CNTN4: variants seen among roughly 807,000 people sequenced by gnomAD.
CNTN4 encodes the protein contactin-4.
A neutral mutation model predicts 122.5 loss-of-function variants in CNTN4; 77 were observed. That is an observed-to-expected ratio of 0.63 (90% CI 0.52 to 0.76). The LOEUF (loss-of-function observed/expected upper bound fraction) is 0.76. CNTN4 is among the 30% of genes least tolerant of loss of function. The pLI, the probability that CNTN4 is intolerant of heterozygous loss-of-function variation, is 0.00. For missense variants in CNTN4, 1,256 were observed against 1,259.1 expected, an observed-to-expected ratio of 1.00 and a Z score of 0.04; for synonymous variants, 512 against 447.0, an observed-to-expected ratio of 1.15 and a Z score of -1.83.
At chr3:2,186,038 G>A (rs948758128) in intron 2 of CNTN4, among the ~76,000 whole-genome samples, 23 of 151,762 alleles carry the variant, frequency 1.5e-4, no homozygotes, top group Admixed American at 3.3e-4. Flanking sequence ...CCATTAACTC[G>A]TCATTTACGT....
chr3:2,347,366 A>G (rs1205596652), intron 3 of CNTN4, among the ~76,000 whole-genome samples: 1 of 148,294 alleles, frequency 6.7e-6, no homozygotes, highest in East Asian at 1.9e-4. Context: ...TCCACTAGCA[A>G]AAGAAGCCAA....
chr3:2,610,359 T>C (rs1407417107), intron 4 of CNTN4, among the ~76,000 whole-genome samples: 1 of 152,214 alleles, frequency 6.6e-6, no homozygotes, highest in Non-Finnish European at 1.5e-5. Flanking sequence ...GCAAACACTT[T>C]TTCTAAGTCT....
intron 4 of CNTN4, among the ~76,000 whole-genome samples, chr3:2,658,923 T>C (rs7629925): frequency 0.011 from 1,673 of 151,318 alleles, 33 homozygotes; most frequent in African/African-American, 0.039. Flanking sequence ...ACTTGCATTT[T>C]TTTATGTGGA....
intron 4 of CNTN4, among the ~76,000 whole-genome samples, chr3:2,596,523 C>G (rs1179791217): frequency 6.6e-6 from 1 of 152,062 alleles, no homozygotes; most frequent in East Asian, 1.9e-4. Flanking sequence ...TATATTTACA[C>G]ATCTATAACC....
chr3:2,798,621 C>T (rs2092269279), intron 6 of CNTN4, among the ~76,000 whole-genome samples: 1 of 152,056 alleles, frequency 6.6e-6, no homozygotes, highest in Non-Finnish European at 1.5e-5. Flanking sequence ...GAGATCCTCC[C>T]ACTTCAAACT....
chr3:2,320,121 T>C (rs1244617638), intron 2 of CNTN4, among the ~76,000 whole-genome samples: 1 of 152,184 alleles, frequency 6.6e-6, no homozygotes, highest in African/African-American at 2.4e-5. Flanking sequence ...GATATAATTC[T>C]GGAATGAAAA....
intron 3 of CNTN4, among the ~76,000 whole-genome samples, chr3:2,470,230 C>T (rs944204794): frequency 6.6e-6 from 1 of 152,134 alleles, no homozygotes; most frequent in African/African-American, 2.4e-5. Flanking sequence ...GCACATGCCA[C>T]CACGCCTGGC....
chr3:2,915,925 T>A (rs2094348767), intron 12 of CNTN4, among the ~76,000 whole-genome samples: 1 of 152,162 alleles, frequency 6.6e-6, no homozygotes, highest in South Asian at 2.1e-4. Context: ...AACGAGCCAG[T>A]CACAAAAAGC....
intron 8 of CNTN4, among the ~76,000 whole-genome samples, chr3:2,876,121 C>T (rs1311060700): frequency 1.3e-5 from 2 of 152,192 alleles, no homozygotes; most frequent in African/African-American, 4.8e-5. Context: ...CACCTTAAAA[C>T]CTTGACTGTA....
chr3:2,699,097 A>T (rs1212821694), intron 4 of CNTN4, among the ~76,000 whole-genome samples: 2 of 152,052 alleles, frequency 1.3e-5, no homozygotes, highest in Non-Finnish European at 2.9e-5. Flanking sequence ...TAATTGGGAG[A>T]CTAGCTTAAT....
At chr3:2,647,363 G>T (rs922778305) in intron 4 of CNTN4, among the ~76,000 whole-genome samples, 1 of 150,922 alleles carries the variant, frequency 6.6e-6, no homozygotes, top group Non-Finnish European at 1.5e-5. Context: ...CCTGGGCAAC[G>T]AGAGCGAAAC....
intron 6 of CNTN4, among the ~76,000 whole-genome samples, chr3:2,782,465 C>CTGGGTG (rs1421037064): frequency 1.2e-4 from 16 of 133,212 alleles, no homozygotes; most frequent in African/African-American, 4.3e-4. Flanking sequence ...CCTTCTTATT[C>CTGGGTG]TGTGTGTGTG....
At chr3:2,762,385 T>C (rs78838837) in intron 6 of CNTN4, among the ~76,000 whole-genome samples, 3,542 of 152,254 alleles carry the variant, frequency 0.023, 45 homozygotes, top group South Asian at 0.046. Context: ...CTCCGATAGG[T>C]CCCAGTATCT....
intron 4 of CNTN4, among the ~76,000 whole-genome samples, chr3:2,629,859 C>T (rs1158411460): frequency 6.6e-6 from 1 of 152,050 alleles, no homozygotes; most frequent in Admixed American, 6.6e-5. Flanking sequence ...AGTATTAATC[C>T]ATGGACATTT....
At chr3:2,485,642 T>C (rs1300141270) in intron 3 of CNTN4, among the ~76,000 whole-genome samples, 1 of 152,102 alleles carries the variant, frequency 6.6e-6, no homozygotes, top group Non-Finnish European at 1.5e-5. Flanking sequence ...GGAGAATCTT[T>C]GTCTAGCTAA....
chr3:2,172,222 TA>T (rs553953933), intron 2 of CNTN4, among the ~76,000 whole-genome samples: 12 of 150,448 alleles, frequency 8.0e-5, no homozygotes, highest in Non-Finnish European at 1.3e-4. Context: ...TACTCAGCCA[TA>T]AAAAAAAACG....
intron 3 of CNTN4, chr3:2,571,204 C>G (rs1171300237): frequency 6.5e-6 from 3 of 461,514 alleles, no homozygotes; most frequent in Non-Finnish European, 1.2e-5. Flanking sequence ...CACAGGGACA[C>G]TTCAGCTCCA....
intron 2 of CNTN4, among the ~76,000 whole-genome samples, chr3:2,107,832 T>G (rs1423126091): frequency 1.3e-5 from 2 of 152,182 alleles, no homozygotes; most frequent in East Asian, 1.9e-4. Flanking sequence ...ACTTTGGTTG[T>G]GTGCCTAACA....
intron 6 of CNTN4, among the ~76,000 whole-genome samples, chr3:2,782,763 A>G (rs2091656089): frequency 6.6e-6 from 1 of 152,092 alleles, no homozygotes; most frequent in South Asian, 2.1e-4. Flanking sequence ...TTTCTCTGCT[A>G]TTTAATGTAT....
Sources: gnomAD v4.1 joint callset for allele counts (sites outside exome capture counted in the v4.1 genomes callset) on GRCh38, gnomAD v4.1.1 for gene constraint, MANE v1.5 for transcripts, NCBI Gene and HGNC (gene_info 2026-07-23, HGNC 2026-07-21) for gene names.